The following DISP1 variants were observed in gnomAD, a reference collection of about 807,000 sequenced individuals.
The protein encoded by DISP1 is dispatched RND transporter family member 1.
Under a neutral mutation model 37.3 loss-of-function variants are expected in DISP1, and 30 were observed. The ratio of observed to expected loss-of-function variants is 0.80; its 90% CI spans 0.60 to 1.09. DISP1 has a LOEUF of 1.09. Ranked by LOEUF, DISP1 falls within the 50% of genes least tolerant of loss-of-function variation. The pLI, the probability that DISP1 is intolerant of heterozygous loss-of-function variation, is 0.00. For synonymous variants in DISP1, 634 were observed against 690.2 expected, an observed-to-expected ratio of 0.92 and a Z score of 1.28; for missense variants, 1,598 against 1,879.5, an observed-to-expected ratio of 0.85 and a Z score of 2.77.
rs553490858 is a variant in DISP1, at chr1:222,825,153, G to T, written c.-159+10075G>T. Among the ~76,000 whole-genome samples the T allele has an allele frequency of 2.7e-5, 4 of 150,890 alleles. No individual in the cohort carries two copies. The South Asian group carries it at 6.4e-4, about 24-fold the overall frequency. On this transcript the variant is annotated intron_variant, in intron 1 of 8. Transcript: ENST00000675850. Reference sequence around the variant, plus strand: ...TCTCTCCCCAGGGATGGGGAATGTGGGGGGGCAGTGGTGGGGGATGGTGGG... The same window carrying T: ...TCTCTCCCCAGGGATGGGGAATGTGTGGGGGCAGTGGTGGGGGATGGTGGG...
rs569907836 is a variant in DISP1 at position 222,908,343 on chromosome 1, C to A, written c.-158-20087C>A. 5.6e-5 allele frequency among the ~76,000 whole-genome samples: 7 copies of A among 124,228 alleles called. No homozygotes were observed. The South Asian group carries it at 2.3e-3, about 41-fold the overall frequency. 81.5% of individuals were successfully genotyped at this position (124,228 alleles called of 152,430 possible). ...CTCTAGCCTGGGTGACAGAGTGAGA[C>A]CCTTAATGTAAAAAAAATTTTTAAA... On this transcript the variant is annotated intron_variant, in intron 1 of 8. Coordinates refer to ENST00000675850, the MANE Select transcript of DISP1 (RefSeq NM_001377229.1).
chr1:222,861,826 A>G (rs1288056048), intron 1 of DISP1, among the ~76,000 whole-genome samples: 1 of 152,190 alleles, frequency 6.6e-6, no homozygotes, highest in African/African-American at 2.4e-5. Flanking sequence ...CTCATTTTTT[A>G]AAGCAAAAAC....
chr1:222,984,435 T>TATATATATATATAGAGAGAG lies in DISP1; in HGVS notation c.539+1327_539+1328insTATATATATATAGAGAGAGA, dbSNP rs67660273. Among the ~76,000 whole-genome samples, 62 of 108,368 alleles carry TATATATATATATAGAGAGAG rather than the reference T, an allele frequency of 5.7e-4. 1 individual carries two copies. The South Asian group carries it at 9.4e-3, about 16-fold the overall frequency. 71.1% of individuals were successfully genotyped at this position (108,368 alleles called of 152,430 possible). ...AAAAAAAAAAAAATATATATATATA[T>TATATATATATATAGAGAGAG]AGAGAGAGAGAGAGAGAGAGAGAGC... is the stretch of plus-strand genomic sequence containing the variant. On this transcript the variant is annotated intron_variant, in intron 4 of 8. Coordinates refer to ENST00000675850, the MANE Select transcript of DISP1 (RefSeq NM_001377229.1).
chr1:222,968,277 G>A (rs1270860301), intron 3 of DISP1, among the ~76,000 whole-genome samples: 3 of 151,980 alleles, frequency 2.0e-5, no homozygotes, highest in Admixed American at 2.0e-4. Flanking sequence ...TCCCCTTCAG[G>A]AAATGAGGAA....
chr1:222,986,406 T>C (rs550237558), intron 4 of DISP1, among the ~76,000 whole-genome samples: 2 of 152,350 alleles, frequency 1.3e-5, no homozygotes, highest in African/African-American at 4.8e-5. Context: ...TAATGTCACT[T>C]GAGCATAAGC....
chr1:222,866,633 G>T (rs921805053), intron 1 of DISP1, among the ~76,000 whole-genome samples: 1 of 152,032 alleles, frequency 6.6e-6, no homozygotes, highest in Non-Finnish European at 1.5e-5. Context: ...GTGAGCCACC[G>T]CGCCCAGCTC....
intron 7 of DISP1, among the ~76,000 whole-genome samples, chr1:222,993,388 A>T (rs771391856): frequency 2.0e-5 from 3 of 152,210 alleles, no homozygotes; most frequent in Non-Finnish European, 4.4e-5. Context: ...AATTAAGTGA[A>T]TATTAACATT....
chr1:222,935,080 G>A (rs1361972062), intron 2 of DISP1, among the ~76,000 whole-genome samples: 9 of 152,098 alleles, frequency 5.9e-5, no homozygotes, highest in East Asian at 3.8e-4. Flanking sequence ...CTCTTGCTAC[G>A]CAAAATGTGT....
At chr1:222,835,184 A>G (rs1666746189) in intron 1 of DISP1, 1 of 152,212 alleles carries the variant, frequency 6.6e-6, no homozygotes, top group African/African-American at 2.4e-5. Context: ...AAAGGCATAT[A>G]CCAAGCTGTC....
At chr1:222,858,307 A>T (rs1002967880) in intron 1 of DISP1, among the ~76,000 whole-genome samples, 6 of 152,196 alleles carry the variant, frequency 3.9e-5, no homozygotes, top group African/African-American at 1.4e-4. Flanking sequence ...CCCCTTCCTT[A>T]TACCTTATAC....
chr1:222,968,637 T>G (rs1676680274), intron 3 of DISP1, among the ~76,000 whole-genome samples: 1 of 152,146 alleles, frequency 6.6e-6, no homozygotes, highest in African/African-American at 2.4e-5. Flanking sequence ...TTTTTCCCCC[T>G]TAAAACAGAG....
chr1:222,975,350 G>A (rs993532275), intron 3 of DISP1, among the ~76,000 whole-genome samples: 2 of 152,056 alleles, frequency 1.3e-5, no homozygotes, highest in African/African-American at 4.8e-5. Flanking sequence ...GTAAGTTGTG[G>A]TGTTAATTCT....
At chr1:222,821,024 G>C (rs1422792631) in intron 1 of DISP1, among the ~76,000 whole-genome samples, 2 of 152,038 alleles carry the variant, frequency 1.3e-5, no homozygotes, top group Admixed American at 6.5e-5. Context: ...TCTTTGGCAT[G>C]CTTTTGCCTT....
At chr1:222,885,540 C>T (rs1428452896) in intron 1 of DISP1, among the ~76,000 whole-genome samples, 1 of 150,878 alleles carries the variant, frequency 6.6e-6, no homozygotes, top group East Asian at 1.9e-4. Context: ...GCAATCACAG[C>T]TGATTGCAGC....
chr1:222,853,500 A>G (rs1483662922), intron 1 of DISP1, among the ~76,000 whole-genome samples: 8 of 149,710 alleles, frequency 5.3e-5, no homozygotes, highest in Admixed American at 1.4e-4. Flanking sequence ...CCAGGTGTCC[A>G]ACAACAGCTG....
chr1:222,860,280 C>G (rs1360261097), intron 1 of DISP1, among the ~76,000 whole-genome samples: 1 of 152,092 alleles, frequency 6.6e-6, no homozygotes, highest in Non-Finnish European at 1.5e-5. Flanking sequence ...TCTTGAACTC[C>G]CGACCTCAGG....
Position 222,975,159 on chromosome 1 carries a change from G to A in DISP1, c.510-7921G>A, listed in dbSNP as rs142568775. Among the ~76,000 whole-genome samples, 220 of 152,172 alleles carry A rather than the reference G, an allele frequency of 1.4e-3. 1 individual carries two copies. In the East Asian group the frequency reaches 0.027, roughly 19 times the overall value. ...TCCCTTCTCAGCCTCCTGAGTAGCT[G>A]GGACTACAGGTGCATGCCACCACCC... is the stretch of plus-strand genomic sequence containing the variant. On this transcript the variant is annotated intron_variant, in intron 3 of 8. Transcript: ENST00000675850.
intron 1 of DISP1, among the ~76,000 whole-genome samples, chr1:222,921,432 G>A (rs894196565): frequency 2.6e-5 from 4 of 151,842 alleles, no homozygotes; most frequent in African/African-American, 9.7e-5. Context: ...CAATGCCATG[G>A]GAAAATTCTA....
chr1:222,852,792 C>T (rs900509532), intron 1 of DISP1, among the ~76,000 whole-genome samples: 8 of 152,150 alleles, frequency 5.3e-5, no homozygotes, highest in African/African-American at 1.4e-4. Context: ...GTGTATCCCC[C>T]TTCCTTTTTT....
Sources: gnomAD v4.1 joint callset for allele counts (sites outside exome capture counted in the v4.1 genomes callset) on GRCh38, gnomAD v4.1.1 for gene constraint, MANE v1.5 for transcripts, NCBI Gene and HGNC (gene_info 2026-07-23, HGNC 2026-07-21) for gene names.